Variants in RAB3C observed in about 807,000 individuals in gnomAD.
RAB3C encodes the protein ras-related protein Rab-3C.
RAB3C carries 17 observed loss-of-function variants against 26.4 expected under a neutral mutation model. That is an observed-to-expected ratio of 0.64 (90% CI 0.44 to 0.97). The LOEUF (loss-of-function observed/expected upper bound fraction) is 0.97, where lower values mean the gene tolerates loss of function less well. Among genes scored for constraint, RAB3C ranks in the 50% least tolerant of loss-of-function variants. RAB3C has a pLI of 0.00. For missense variants in RAB3C, 242 were observed against 281.9 expected (o/e 0.86, Z 1.01); for synonymous variants, 91 against 95.9 (o/e 0.95, Z 0.30).
At chr5:58,691,020 G>T (rs1348961990) in intron 2 of RAB3C, among the ~76,000 whole-genome samples, 1 of 151,726 alleles carries the variant, frequency 6.6e-6, no homozygotes, top group Non-Finnish European at 1.5e-5. Flanking sequence ...AGCCACTTTT[G>T]TATGTGCTTA....
intron 3 of RAB3C, among the ~76,000 whole-genome samples, chr5:58,775,972 A>G (rs963443): frequency 0.56 from 85,256 of 151,770 alleles, 24,283 homozygotes; most frequent in South Asian, 0.67. Context: ...CTGTCCCACA[A>G]ACTTGCATTT....
chr5:58,680,254 A>T (rs1006775255), intron 2 of RAB3C, among the ~76,000 whole-genome samples: 3 of 152,170 alleles, frequency 2.0e-5, no homozygotes, highest in African/African-American at 4.8e-5. Flanking sequence ...CTTTCCTTTG[A>T]GATCCTAGAA....
rs1160711672 is a variant in RAB3C, at chr5:58,727,659, G to A, written c.371+1539G>A. Among the ~76,000 whole-genome samples the A allele has an allele frequency of 3.3e-5, 5 of 152,078 alleles. No individual in the cohort carries two copies. In the East Asian group the frequency reaches 9.7e-4, roughly 29 times the overall value. ...TCAATTAAGAGTGTTATGATATCTA[G>A]TTAATTGCCACAGATAGCCTGAAAC... On this transcript the variant is annotated intron_variant, in intron 3 of 4. Coordinates refer to ENST00000282878, the MANE Select transcript of RAB3C (RefSeq NM_138453.4).
intron 1 of RAB3C, among the ~76,000 whole-genome samples, chr5:58,606,476 C>A (rs1301901641): frequency 2.0e-5 from 3 of 152,234 alleles, no homozygotes; most frequent in African/African-American, 4.8e-5. Context: ...CATAGCTGAA[C>A]AAAAGGCAGC....
At chr5:58,711,582 G>A (rs1749062455) in intron 2 of RAB3C, among the ~76,000 whole-genome samples, 1 of 152,028 alleles carries the variant, frequency 6.6e-6, no homozygotes, top group Non-Finnish European at 1.5e-5. Context: ...AAAAGCAGAG[G>A]GAGTCTCATT....
chr5:58,745,825 C>G (rs1741392121), intron 3 of RAB3C, among the ~76,000 whole-genome samples: 1 of 152,052 alleles, frequency 6.6e-6, no homozygotes, highest in Non-Finnish European at 1.5e-5. Flanking sequence ...CTGTAAAGTT[C>G]TTGATAGTTG....
chr5:58,612,453 T>C (rs867682166), intron 1 of RAB3C, among the ~76,000 whole-genome samples: 2 of 147,036 alleles, frequency 1.4e-5, no homozygotes, highest in African/African-American at 5.2e-5. Context: ...TTCAGTTCCC[T>C]GGTTAGCTGG....
chr5:58,665,311 G>T (rs1002509727), intron 2 of RAB3C, among the ~76,000 whole-genome samples: 3 of 152,156 alleles, frequency 2.0e-5, no homozygotes, highest in African/African-American at 7.2e-5. Flanking sequence ...TAAGATAAGA[G>T]ATAAGTAATA....
At chr5:58,820,840 G>A (rs1301204959) in intron 3 of RAB3C, among the ~76,000 whole-genome samples, 1 of 151,132 alleles carries the variant, frequency 6.6e-6, no homozygotes, top group African/African-American at 2.4e-5. Context: ...TCATTGAGGA[G>A]CAGGGAATGT....
intron 2 of RAB3C, among the ~76,000 whole-genome samples, chr5:58,619,692 T>C (rs1388510745): frequency 1.3e-5 from 2 of 152,212 alleles, no homozygotes; most frequent in African/African-American, 4.8e-5. Context: ...AGTCTTATAA[T>C]TTCTGGCAAA....
intron 1 of RAB3C, among the ~76,000 whole-genome samples, chr5:58,596,935 A>G (rs1188197273): frequency 1.0e-5 from 1 of 95,564 alleles, no homozygotes; most frequent in African/African-American, 4.4e-5. Context: ...TATTATATAT[A>G]AATATATAAT....
intron 2 of RAB3C, among the ~76,000 whole-genome samples, chr5:58,673,648 G>A (rs1000831171): frequency 2.6e-5 from 4 of 152,184 alleles, no homozygotes; most frequent in Non-Finnish European, 4.4e-5. Context: ...CTCTCAAAAT[G>A]TCAGTTACCC....
intron 3 of RAB3C, among the ~76,000 whole-genome samples, chr5:58,820,410 G>C (rs768561494): frequency 1.3e-5 from 2 of 152,156 alleles, no homozygotes; most frequent in Non-Finnish European, 2.9e-5. Context: ...CTTGCTGATG[G>C]TGGGACTGTG....
intron 3 of RAB3C, among the ~76,000 whole-genome samples, chr5:58,808,235 A>AAAAAAG (rs1742989115): frequency 6.6e-6 from 1 of 151,944 alleles, no homozygotes; most frequent in African/African-American, 2.4e-5. Context: ...AAAAAAAAAA[A>AAAAAAG]AAAAAAAGAA....
intron 3 of RAB3C, among the ~76,000 whole-genome samples, chr5:58,739,993 A>T (rs1454386964): frequency 1.3e-5 from 2 of 152,224 alleles, no homozygotes; most frequent in African/African-American, 4.8e-5. Flanking sequence ...ACTTTGTTTT[A>T]AGCAAATACC....
chr5:58,599,685 T>G (rs1746407357), intron 1 of RAB3C, among the ~76,000 whole-genome samples: 1 of 151,414 alleles, frequency 6.6e-6, no homozygotes, highest in African/African-American at 2.5e-5. Flanking sequence ...ATTCATCTCC[T>G]TTTTCTTTTT....
chr5:58,591,495 A>G (rs1746126057), intron 1 of RAB3C, among the ~76,000 whole-genome samples: 1 of 151,584 alleles, frequency 6.6e-6, no homozygotes, highest in South Asian at 2.1e-4. Context: ...GTCCCACTTT[A>G]TCTCCAGCAA....
At position 58,754,755 on chromosome 5, in the gene RAB3C, A is replaced by C. The variant is rs559151752; in HGVS notation, c.371+28635A>C. Among the ~76,000 whole-genome samples the C allele has an allele frequency of 3.9e-5, 6 of 152,338 alleles. No homozygotes were observed. The East Asian group carries it at 1.2e-3, about 29-fold the overall frequency. ...TTCTTGAAATAAAGAAAACTGAGGC[A>C]CAAAAAAGAGTAACAAATTGTATTT... On this transcript the variant is annotated intron_variant, in intron 3 of 4. Coordinates refer to ENST00000282878, the MANE Select transcript of RAB3C (RefSeq NM_138453.4).
intron 4 of RAB3C, among the ~76,000 whole-genome samples, chr5:58,839,881 T>C (rs1459263561): frequency 6.6e-6 from 1 of 151,840 alleles, no homozygotes; most frequent in African/African-American, 2.4e-5. Context: ...AAAGGATGGC[T>C]TTGCTGGGTA....
Sources: allele counts gnomAD v4.1 joint callset (sites outside exome capture counted in the v4.1 genomes callset), GRCh38; gene constraint gnomAD v4.1.1; transcripts MANE v1.5; gene names NCBI Gene and HGNC (gene_info 2026-07-23, HGNC 2026-07-21).